The following KIAA0319L variants were observed in gnomAD, a reference collection of about 807,000 sequenced individuals.
KIAA0319L encodes the protein dyslexia-associated protein KIAA0319-like protein.
Under a neutral mutation model 120.1 loss-of-function variants are expected in KIAA0319L, and 55 were observed. The ratio of observed to expected loss-of-function variants is 0.46; its 90% CI spans 0.37 to 0.57. The LOEUF (loss-of-function observed/expected upper bound fraction) is 0.57. Among genes scored for constraint, KIAA0319L ranks in the 20% least tolerant of loss-of-function variants. The pLI is 0.00. For synonymous variants in KIAA0319L, 398 were observed against 471.9 expected, an observed-to-expected ratio of 0.84 and a Z score of 2.03; for missense variants, 1,049 against 1,255.3, an observed-to-expected ratio of 0.84 and a Z score of 2.48.
intron 2 of KIAA0319L, among the ~76,000 whole-genome samples, chr1:35,553,340 G>A (rs544964370): frequency 1.4e-5 from 2 of 147,990 alleles, no homozygotes; most frequent in Non-Finnish European, 1.5e-5. Context: ...TCCCAGCAAA[G>A]CATCATCTGG....
chr1:35,433,965 G>A lies in KIAA0319L; in HGVS notation c.*929C>T, dbSNP rs1640592822. 6.6e-6 allele frequency: 1 copy of A among 152,230 alleles called. No homozygotes were observed. Among genetic ancestry groups the A allele is most frequent in the Non-Finnish European group, 1.5e-5 (1 of 68,118 alleles). 9.4% of individuals were successfully genotyped at this position (152,230 alleles called of 1,614,324 possible). On this transcript the variant is annotated 3_prime_UTR_variant, in exon 21 of 21. Coordinates refer to ENST00000325722, the MANE Select transcript of KIAA0319L (RefSeq NM_024874.5). ...TGTCCAGCCTGGCTGCTCTGACAAG[G>A]GCCCTGGCAGCGAGAGAGGCCACCC...
intron 3 of KIAA0319L, among the ~76,000 whole-genome samples, chr1:35,501,770 C>T (rs1238223518): frequency 6.6e-6 from 1 of 151,004 alleles, no homozygotes; most frequent in East Asian, 2.0e-4. Context: ...CCCAGCTACT[C>T]GGGAGGCTGA....
chr1:35,464,217 A>C (rs982741021), intron 7 of KIAA0319L, among the ~76,000 whole-genome samples: 4 of 152,194 alleles, frequency 2.6e-5, no homozygotes, highest in African/African-American at 9.7e-5. Flanking sequence ...GCTCAGAAGA[A>C]GACAGGAAAA....
chr1:35,460,213 G>C lies in KIAA0319L; in HGVS notation c.1427+92C>G, dbSNP rs939878907. Reference sequence around the variant, plus strand: ...TATCAACCAACTCCACAGTGAATTTGATATTTGTCAAAGTTACTCATATAA... The same window carrying C: ...TATCAACCAACTCCACAGTGAATTTCATATTTGTCAAAGTTACTCATATAA... On this transcript the variant is annotated intron_variant, in intron 9 of 20. Coordinates refer to ENST00000325722, the MANE Select transcript of KIAA0319L (RefSeq NM_024874.5). 4.8e-6 allele frequency: 5 copies of C among 1,042,580 alleles called. No individual in the cohort carries two copies. The African/African-American group carries it at 8.0e-5, about 17-fold the overall frequency. 64.6% of individuals were successfully genotyped at this position (1,042,580 alleles called of 1,614,324 possible).
At chr1:35,436,195 C>G (rs1640776018) in intron 20 of KIAA0319L, among the ~76,000 whole-genome samples, 2 of 152,192 alleles carry the variant, frequency 1.3e-5, no homozygotes, top group Admixed American at 6.5e-5. Context: ...CTGGCCACAC[C>G]TGACTTAAGG....
rs192740722 is a variant in KIAA0319L, at chr1:35,457,972, G to C, written c.1428-1731C>G. 6.4e-3 allele frequency among the ~76,000 whole-genome samples: 978 copies of C among 152,250 alleles called. 15 individuals carry two copies. Among genetic ancestry groups the C allele is most frequent in the African/African-American group, 0.021 (865 of 41,534 alleles). Reference sequence around the variant, plus strand: ...TTTTTCTGAGACGGAGTCTCGCTCTGTCGCCCAGGCTGGAGTGCAGTGGTG... The same window carrying C: ...TTTTTCTGAGACGGAGTCTCGCTCTCTCGCCCAGGCTGGAGTGCAGTGGTG... On this transcript the variant is annotated intron_variant, in intron 9 of 20. Transcript: ENST00000325722.
intron 2 of KIAA0319L, among the ~76,000 whole-genome samples, chr1:35,526,382 T>TACATACATATATATATATATATACAC (rs1646136018): frequency 8.1e-6 from 1 of 123,040 alleles, no homozygotes; most frequent in Non-Finnish European, 1.5e-5. Context: ...CATATATATA[T>TACATACATATATATATATATATACAC]ACATACATAT....
chr1:35,454,660 T>C, intron 10 of KIAA0319L, 175 bp from the exon 11 acceptor site: 2 of 1,390,482 alleles, frequency 1.4e-6, no homozygotes, highest in Non-Finnish European at 1.9e-6. Context: ...ATGAGGCACC[T>C]TGCTAAGGGT....
chr1:35,513,733 A>T (rs1306663872), intron 2 of KIAA0319L, among the ~76,000 whole-genome samples: 2 of 152,096 alleles, frequency 1.3e-5, no homozygotes, highest in Non-Finnish European at 2.9e-5. Flanking sequence ...TCTTTTCCTG[A>T]CTGACAATAT....
Position 35,451,774 on chromosome 1 carries a change from C to A in KIAA0319L, c.1916G>T (p.Gly639Val). The A allele has an allele frequency of 6.2e-7, 1 of 1,612,710 alleles. No homozygotes were observed. The highest frequency in any genetic ancestry group is 8.5e-7 in the Non-Finnish European group (1 of 1,179,506). The change falls in exon 13 of 21, where the codon GGA (glycine) becomes GTA (valine). Residue 639 changes from glycine to valine, a missense_variant and splice_region_variant. Coordinates refer to ENST00000325722, the MANE Select transcript of KIAA0319L (RefSeq NM_024874.5). ...ATTCTCGAGCTGCACCCCATCAGGT[C>A]CCCTGCAAAAAAAGAAACTAGAGGG... ...IISYLWEKTQ[G>V]PDGVQLENAN...
Position 35,441,158 on chromosome 1 carries a change from C to A in KIAA0319L, c.2871-20G>T, listed in dbSNP as rs903554630. 2 of 1,607,474 alleles carry A rather than the reference C, an allele frequency of 1.2e-6. No individual in the cohort carries two copies. Among genetic ancestry groups the A allele is most frequent in the Non-Finnish European group, 1.7e-6 (2 of 1,174,026 alleles). On this transcript the variant is annotated intron_variant, in intron 19 of 20. Coordinates refer to ENST00000325722, the MANE Select transcript of KIAA0319L (RefSeq NM_024874.5). ...TTTTGCCTAAAAAACACAACCCCCA[C>A]CCCTGCTCAGGAAAGAGGTTCTCTG... is the stretch of plus-strand genomic sequence containing the variant.
At chr1:35,479,947 CAAAAAAAAAAAAAAA>C (rs71062878) in intron 3 of KIAA0319L, among the ~76,000 whole-genome samples, 1 of 32,290 alleles carries the variant, frequency 3.1e-5, no homozygotes, top group Non-Finnish European at 5.8e-5. Context: ...TATGATGAGC[CAAAAAAAAAAAAAAA>C]AAAAAAAAAA....
intron 3 of KIAA0319L, among the ~76,000 whole-genome samples, chr1:35,499,112 G>C (rs1644911422): frequency 1.3e-5 from 2 of 152,188 alleles, no homozygotes; most frequent in African/African-American, 4.8e-5. Flanking sequence ...ATAGGAAAGA[G>C]AGGGATGACA....
chr1:35,519,457 C>T (rs1047149977), intron 2 of KIAA0319L, among the ~76,000 whole-genome samples: 9 of 152,158 alleles, frequency 5.9e-5, no homozygotes, highest in African/African-American at 1.4e-4. Context: ...CAGGCTGCTT[C>T]GCTGCTGCCT....
chr1:35,509,461 T>G (rs1645338267), intron 2 of KIAA0319L, among the ~76,000 whole-genome samples: 1 of 152,200 alleles, frequency 6.6e-6, no homozygotes, highest in Non-Finnish European at 1.5e-5. Context: ...ATCAATGATT[T>G]AGAGAGACAC....
In KIAA0319L at chr1:35,553,651, T is replaced by G. The variant is rs1376608426; in HGVS notation, c.142+699A>C. Among the ~76,000 whole-genome samples the G allele has an allele frequency of 3.3e-5, 5 of 152,196 alleles. No homozygotes were observed. In the East Asian group the frequency reaches 5.8e-4, roughly 18 times the overall value. On this transcript the variant is annotated intron_variant, in intron 2 of 20. Coordinates refer to ENST00000325722, the MANE Select transcript of KIAA0319L (RefSeq NM_024874.5). ...GAATGGCAGCATACACAGAAATCTTTCTCATATTGCTGTTTTCTCACACTC... is the reference window on the plus strand; with the variant it reads ...GAATGGCAGCATACACAGAAATCTTGCTCATATTGCTGTTTTCTCACACTC...
chr1:35,518,441 C>T (rs1368350754), intron 2 of KIAA0319L, among the ~76,000 whole-genome samples: 1 of 152,160 alleles, frequency 6.6e-6, no homozygotes, highest in African/African-American at 2.4e-5. Flanking sequence ...AGGCTATTAT[C>T]TTTAGCAAAC....
chr1:35,535,794 T>A (rs16866287), intron 2 of KIAA0319L, among the ~76,000 whole-genome samples: 1 of 152,148 alleles, frequency 6.6e-6, no homozygotes, highest in Admixed American at 6.5e-5. Context: ...TATACCTCTA[T>A]CATAGCATTT....
Position 35,554,401 on chromosome 1 carries a change from G to A in KIAA0319L, c.91C>T (p.Leu31=). 1 of 1,613,246 alleles carries A rather than the reference G, an allele frequency of 6.2e-7. No individual in the cohort carries two copies. Among genetic ancestry groups the A allele is most frequent in the South Asian group, 1.1e-5 (1 of 90,826 alleles). ...WQTSAKWLRS[L]YLFYTCFCFS... ...CAAAAGCAAGTATAAAACAGGTACAGGCTTCTCAACCACTTCGCAGATGTC... is the reference window on the plus strand; with the variant it reads ...CAAAAGCAAGTATAAAACAGGTACAAGCTTCTCAACCACTTCGCAGATGTC... The change falls in exon 2 of 21, where the codon CTG becomes TTG. Residue 31 remains leucine (L), a synonymous_variant. Transcript: ENST00000325722.
Sources: gnomAD v4.1 joint callset for allele counts (sites outside exome capture counted in the v4.1 genomes callset) on GRCh38, gnomAD v4.1.1 for gene constraint, MANE v1.5 for transcripts, NCBI Gene and HGNC (gene_info 2026-07-23, HGNC 2026-07-21) for gene names.